UNC79: variants seen among roughly 807,000 people sequenced by gnomAD.
UNC79 encodes the protein unc-79 subunit of NALCN channel complex, also known as protein unc-79 homolog.
A neutral mutation model predicts 283.1 loss-of-function variants in UNC79; 37 were observed. That is an observed-to-expected ratio of 0.13 (90% CI 0.10 to 0.17). UNC79 has a LOEUF of 0.17. Ranked by LOEUF, UNC79 falls within the 10% of genes least tolerant of loss-of-function variation. The pLI, the probability that UNC79 is intolerant of heterozygous loss-of-function variation, is 1.00. For synonymous variants in UNC79, 1,107 were observed against 1,200.2 expected (o/e 0.92, Z 1.61); for missense variants, 2,272 against 3,211.1 (o/e 0.71, Z 7.07).
intron 1 of UNC79, chr14:93,466,996 TTTATG>T: frequency 1.3e-6 from 1 of 769,386 alleles, no homozygotes; most frequent in Non-Finnish European, 1.6e-6. Flanking sequence ...AGTCTCCTAA[TTTATG>T]AGATTCTTTG....
intron 1 of UNC79, among the ~76,000 whole-genome samples, chr14:93,412,233 A>G (rs1049871650): frequency 1.1e-4 from 17 of 152,178 alleles, no homozygotes; most frequent in African/African-American, 4.1e-4. Context: ...GTGAAAATAC[A>G]TGGAGGAGAT....
intron 6 of UNC79, among the ~76,000 whole-genome samples, chr14:93,496,915 A>G (rs908285153): frequency 6.6e-6 from 1 of 152,246 alleles, no homozygotes; most frequent in African/African-American, 2.4e-5. Context: ...TTGTTAGAAG[A>G]TAAAGTACTT....
intron 1 of UNC79, among the ~76,000 whole-genome samples, chr14:93,376,667 G>A (rs1481993949): frequency 6.6e-6 from 1 of 152,082 alleles, no homozygotes; most frequent in Non-Finnish European, 1.5e-5. Flanking sequence ...ATTATAGAAA[G>A]CAGAGAAATC....
Position 93,379,724 on chromosome 14 carries a change from G to T in UNC79, c.-351+46201G>T, listed in dbSNP as rs1475013989. Among the ~76,000 whole-genome samples, 3 of 151,118 alleles carry T rather than the reference G, an allele frequency of 2.0e-5. No individual in the cohort carries two copies. The South Asian group carries it at 6.3e-4, about 32-fold the overall frequency. ...ACTGCAGGGGGAGGGTGGGAGGGGG[G>T]TGAGGGATAAAAGACTACACATTGG... On this transcript the variant is annotated intron_variant, in intron 1 of 49. Transcript: ENST00000256339.
At chr14:93,507,926 G>T (rs958754678) in intron 7 of UNC79, among the ~76,000 whole-genome samples, 1 of 151,940 alleles carries the variant, frequency 6.6e-6, no homozygotes, top group Non-Finnish European at 1.5e-5. Context: ...CTTATTTCCA[G>T]TGCCCTTTGT....
chr14:93,576,367 C>T (rs1426921752), intron 17 of UNC79, among the ~76,000 whole-genome samples: 2 of 151,960 alleles, frequency 1.3e-5, no homozygotes, highest in Admixed American at 1.3e-4. Context: ...TACCCCAAAC[C>T]TCAGCATCAT....
At chr14:93,497,194 T>C in exon 7 of UNC79, 1 of 1,613,588 alleles carries the variant, frequency 6.2e-7, no homozygotes, top group Non-Finnish European at 8.5e-7. Flanking sequence ...CCTTCACAAG[T>C]GAAGCCTCCA....
chr14:93,382,368 CA>C (rs2139991050), intron 1 of UNC79, among the ~76,000 whole-genome samples: 1 of 152,210 alleles, frequency 6.6e-6, no homozygotes, highest in Admixed American at 6.5e-5. Flanking sequence ...TCCCACTCCC[CA>C]AAGATGTCCA....
intron 1 of UNC79, among the ~76,000 whole-genome samples, chr14:93,441,530 A>AT (rs2056297727): frequency 6.6e-6 from 1 of 151,644 alleles, no homozygotes; most frequent in South Asian, 2.1e-4. Flanking sequence ...TTATTTGCTC[A>AT]TTTTTTTCTT....
chr14:93,466,327 A>T (rs946231560), intron 1 of UNC79, among the ~76,000 whole-genome samples: 8 of 152,230 alleles, frequency 5.3e-5, no homozygotes, highest in African/African-American at 1.9e-4. Context: ...AATTGCTTTG[A>T]TGTCAAGCAA....
At chr14:93,405,258 G>A (rs969408150) in intron 1 of UNC79, among the ~76,000 whole-genome samples, 3 of 150,968 alleles carry the variant, frequency 2.0e-5, no homozygotes, top group African/African-American at 7.3e-5. Context: ...ACTCCAGCCT[G>A]GGTGACAAGA....
At chr14:93,659,549 G>T (rs1358218786) in intron 39 of UNC79, among the ~76,000 whole-genome samples, 4 of 152,126 alleles carry the variant, frequency 2.6e-5, no homozygotes, top group African/African-American at 9.7e-5. Context: ...TATCGTGTTG[G>T]TTCTTTGCTT....
At chr14:93,612,397 G>T (rs753484679) in intron 26 of UNC79, among the ~76,000 whole-genome samples, 2 of 152,134 alleles carry the variant, frequency 1.3e-5, no homozygotes, top group East Asian at 3.8e-4. Flanking sequence ...ACGTTTTGTA[G>T]TTATTCTTAC....
intron 1 of UNC79, among the ~76,000 whole-genome samples, chr14:93,394,281 A>C (rs1448256016): frequency 6.6e-6 from 1 of 151,840 alleles, no homozygotes; most frequent in Non-Finnish European, 1.5e-5. Flanking sequence ...AGCATCTAAG[A>C]GCTGTACATT....
chr14:93,474,038 G>A lies in UNC79; in HGVS notation c.144-51G>A. ...TTAGAGTGTCATTTCAATGTAATGT[G>A]CTGTTCTTTGTGTCTTTGTTGTCTC... On this transcript the variant is annotated intron_variant, in intron 2 of 48. Transcript: ENST00000555664. The surrounding 1 kb of genome is among the most constrained non-coding windows in gnomAD (Gnocchi z 4.1). The A allele has an allele frequency of 6.8e-7, 1 of 1,478,958 alleles. No homozygotes were observed. Among genetic ancestry groups the A allele is most frequent in the Non-Finnish European group, 9.0e-7 (1 of 1,116,186 alleles). The allele number at this position is 1,478,958 out of a possible 1,614,324, so 91.6% of individuals were successfully genotyped here. A position where few individuals can be genotyped will look rare whatever the true frequency, so the allele number is the denominator to read the frequency against.
exon 42 of UNC79, chr14:93,682,659 A>G (rs2073938400): frequency 5.0e-6 from 8 of 1,614,064 alleles, no homozygotes; most frequent in Middle Eastern, 3.3e-4. Flanking sequence ...TGAGTCAACA[A>G]TCCTGAGCAA....
intron 39 of UNC79, among the ~76,000 whole-genome samples, chr14:93,660,119 A>C (rs967750275): frequency 3.9e-5 from 6 of 152,176 alleles, no homozygotes; most frequent in African/African-American, 1.4e-4. Flanking sequence ...GTGGTACAAT[A>C]GTTTGCATTG....
In UNC79 at chr14:93,432,129, G is replaced by A. The variant is rs555589440; in HGVS notation, c.22+1078G>A. On this transcript the variant is annotated intron_variant, in intron 1 of 48. Coordinates refer to ENST00000555664, the Ensembl canonical transcript of UNC79. ...CTTCTTTGGAATGGCTACTAAAGCC[G>A]GTTTTTGAGACACACAAAACAGTAG... 3.3e-5 allele frequency among the ~76,000 whole-genome samples: 5 copies of A among 152,220 alleles called. 1 individual carries two copies. The South Asian group carries it at 8.3e-4, about 25-fold the overall frequency.
At position 93,593,938 on chromosome 14, in the gene UNC79, A is replaced by C. The variant is rs780126787; in HGVS notation, c.3190+101A>C. Reference sequence around the variant, plus strand: ...ACCTCCTTTCTTGTCCCTTCTTTTTAAAAGGCATTCTCCTGCTGGCTGGTG... The same window carrying C: ...ACCTCCTTTCTTGTCCCTTCTTTTTCAAAGGCATTCTCCTGCTGGCTGGTG... On this transcript the variant is annotated intron_variant, in intron 23 of 48. Coordinates refer to ENST00000555664, the Ensembl canonical transcript of UNC79. 3.1e-5 allele frequency: 41 copies of C among 1,311,526 alleles called. No individual in the cohort carries two copies. The Middle Eastern group carries it at 1.2e-3, about 37-fold the overall frequency. 81.2% of individuals were successfully genotyped at this position (1,311,526 alleles called of 1,614,324 possible). A position where few individuals can be genotyped will look rare whatever the true frequency, so the allele number is the denominator to read the frequency against.
Sources: gnomAD v4.1 joint callset for allele counts (sites outside exome capture counted in the v4.1 genomes callset) on GRCh38, gnomAD v4.1.1 for gene constraint, Gnocchi (gnomAD v3.1) non-coding constraint, MANE v1.5 for transcripts, NCBI Gene and HGNC (gene_info 2026-07-23, HGNC 2026-07-21) for gene names.